NHSL1: variants seen among roughly 807,000 people sequenced by gnomAD.
NHSL1 encodes NHS like 1.
NHSL1 carries 48 observed loss-of-function variants against 95.0 expected under a neutral mutation model. The ratio of observed to expected loss-of-function variants is 0.51; its 90% CI spans 0.40 to 0.64. The LOEUF (loss-of-function observed/expected upper bound fraction) is 0.64, where lower values mean the gene tolerates loss of function less well. NHSL1 is among the 30% of genes least tolerant of loss of function. The pLI, the probability that NHSL1 is intolerant of heterozygous loss-of-function variation, is 0.00. For missense variants in NHSL1, 1,971 were observed against 2,077.7 expected (o/e 0.95, Z 1.00); for synonymous variants, 783 against 833.9 (o/e 0.94, Z 1.05).
At chr6:138,448,120 C>G (rs1253007137) in intron 3 of NHSL1, among the ~76,000 whole-genome samples, 1 of 152,186 alleles carries the variant, frequency 6.6e-6, no homozygotes, top group Non-Finnish European at 1.5e-5. Context: ...GATTAACATC[C>G]TCACTGAAGA....
At chr6:138,618,384 G>A (rs1784609665) in intron 1 of NHSL1, among the ~76,000 whole-genome samples, 1 of 152,180 alleles carries the variant, frequency 6.6e-6, no homozygotes, top group Admixed American at 6.5e-5. Context: ...TTGAATTCCC[G>A]AGAAGATTTC....
In NHSL1 at chr6:138,473,307, T is replaced by G. The variant is rs761866895; in HGVS notation, c.338A>C (p.Lys113Thr). The change falls in exon 3 of 8, where the codon AAG becomes ACG. Residue 113 changes from lysine to threonine, a missense_variant and splice_region_variant. Coordinates refer to ENST00000343505, the MANE Select transcript of NHSL1 (RefSeq NM_001144060.2). ...CCCGTGTTGAACTTTGAAGCTTACC[T>G]TTTGATCTGTTTCTTCATCTTCATC... ...YQDEDEETDQ[K>T]CSLSSSEEER... 7.1e-6 allele frequency: 11 copies of G among 1,540,690 alleles called. No individual in the cohort carries two copies. The highest frequency in any genetic ancestry group is 8.7e-6 in the Non-Finnish European group (10 of 1,143,096).
intron 1 of NHSL1, among the ~76,000 whole-genome samples, chr6:138,668,958 C>T (rs553136964): frequency 4.7e-4 from 71 of 152,160 alleles, no homozygotes; most frequent in African/African-American, 1.5e-3. Flanking sequence ...GTTGGATACA[C>T]GATGGAGGAA....
At chr6:138,537,068 C>A (rs1404117876) in intron 1 of NHSL1, among the ~76,000 whole-genome samples, 4 of 152,200 alleles carry the variant, frequency 2.6e-5, no homozygotes, top group African/African-American at 7.2e-5. Context: ...CCATAGATTT[C>A]TCTCTTCCTG....
At chr6:138,626,317 T>C (rs1234962369) in intron 1 of NHSL1, among the ~76,000 whole-genome samples, 1 of 152,218 alleles carries the variant, frequency 6.6e-6, no homozygotes, top group Non-Finnish European at 1.5e-5. Flanking sequence ...CAGGAGTCTC[T>C]TCCCTCGCAA....
intron 1 of NHSL1, among the ~76,000 whole-genome samples, chr6:138,613,770 AG>A (rs1206982910): frequency 1.3e-5 from 2 of 152,214 alleles, no homozygotes; most frequent in African/African-American, 2.4e-5. Flanking sequence ...GGGCAGTAAT[AG>A]GAGAGGGGAA....
chr6:138,539,824 C>T (rs905629952), intron 1 of NHSL1, among the ~76,000 whole-genome samples: 2 of 152,196 alleles, frequency 1.3e-5, no homozygotes, highest in Non-Finnish European at 1.5e-5. Context: ...CTGTTAACTG[C>T]TCTTTCAGTC....
intron 1 of NHSL1, among the ~76,000 whole-genome samples, chr6:138,551,963 G>A (rs1783020754): frequency 6.6e-6 from 1 of 152,084 alleles, no homozygotes. Context: ...CTGAATCCTG[G>A]GGTATTTTGT....
rs1775656730 is a variant in NHSL1, at chr6:138,431,444, G to A, written c.2901C>T (p.His967=). Residue 967 remains histidine, a synonymous_variant, in exon 6 of 8, where the codon CAC becomes CAT. Transcript: ENST00000343505. This position sits in a 1 kb window ranked among gnomAD's most constrained non-coding sequence, Gnocchi z 4.0. ...GCGGCGGAGGGGGGAACACAGGAGAGTGAGGCAGAGGAGAGCCCTGGGAGC... is the reference window on the plus strand; with the variant it reads ...GCGGCGGAGGGGGGAACACAGGAGAATGAGGCAGAGGAGAGCCCTGGGAGC... ...TDCSQGSPLP[H]SPVFPPPPPE... 14 of 1,550,892 alleles carry A rather than the reference G, an allele frequency of 9.0e-6. No individual in the cohort carries two copies. The highest frequency in any genetic ancestry group is 1.2e-5 in the South Asian group (1 of 84,032).
intron 3 of NHSL1, among the ~76,000 whole-genome samples, chr6:138,449,400 G>A (rs1041050425): frequency 1.3e-5 from 2 of 152,150 alleles, no homozygotes; most frequent in Non-Finnish European, 2.9e-5. Context: ...ATATGGGCCA[G>A]GCGTGGTGGC....
In NHSL1 at chr6:138,432,387, T is replaced by C; in HGVS notation, c.1958A>G (p.Asn653Ser). The change falls in exon 6 of 8, where the codon AAT becomes AGT. Residue 653 changes from asparagine (N) to serine (S), a missense_variant. Coordinates refer to ENST00000343505, the MANE Select transcript of NHSL1 (RefSeq NM_001144060.2). This position sits in a 1 kb window ranked among gnomAD's most constrained non-coding sequence, Gnocchi z 4.4. Reference protein sequence around the residue: ...RAQKNQGDRSNYQDKSLSRNI... With the variant: ...RAQKNQGDRSSYQDKSLSRNI... ...TCTTGATAGGGATTTATCCTGGTAATTGGACCGGTCCCCTTGGTTTTTCTG... is the reference window on the plus strand; with the variant it reads ...TCTTGATAGGGATTTATCCTGGTAACTGGACCGGTCCCCTTGGTTTTTCTG... 1.9e-6 allele frequency: 3 copies of C among 1,552,154 alleles called. 1 individual carries two copies. The highest frequency in any genetic ancestry group is 2.4e-5 in the South Asian group (2 of 84,060).
intron 1 of NHSL1, among the ~76,000 whole-genome samples, chr6:138,647,191 C>T (rs890209376): frequency 3.3e-5 from 5 of 151,980 alleles, no homozygotes; most frequent in Non-Finnish European, 4.4e-5. Context: ...GTCCTGGGGG[C>T]GAAAATACAA....
upstream of NHSL1, among the ~76,000 whole-genome samples, chr6:138,574,908 C>CT (rs1347461578): frequency 2.6e-5 from 4 of 151,524 alleles, no homozygotes; most frequent in East Asian, 1.9e-4. Context: ...GTGTGTTCTT[C>CT]TTTTTTTGGA....
chr6:138,437,844 T>C (rs926248321), intron 5 of NHSL1, among the ~76,000 whole-genome samples: 1 of 152,198 alleles, frequency 6.6e-6, no homozygotes, highest in Admixed American at 6.5e-5. Flanking sequence ...AGCAAGGAAC[T>C]AGAGTTAGAA....
At position 138,692,242 on chromosome 6, in the gene NHSL1, G is replaced by T. The variant is rs534136615; in HGVS notation, c.96+234C>A. The stretch of plus-strand genomic sequence containing the variant: ...GGACTGTCCAATTCCCACCCTCCGC[G>T]CCCACTCTCTCGAGGTAGCCAAGAC... On this transcript the variant is annotated intron_variant, in intron 1 of 3. Transcript: ENST00000491526. This position sits in a 1 kb window ranked among gnomAD's most constrained non-coding sequence, Gnocchi z 4.0. 35 of 453,774 alleles carry T rather than the reference G, an allele frequency of 7.7e-5. No individual in the cohort carries two copies. Among genetic ancestry groups the T allele is most frequent in the South Asian group, 5.3e-4 (34 of 64,296 alleles). The allele number at this position is 453,774 out of a possible 1,614,324, so 28.1% of individuals were successfully genotyped here. A position where few individuals can be genotyped will look rare whatever the true frequency, so the allele number is the denominator to read the frequency against.
At chr6:138,597,812 T>C (rs1784321099) in intron 1 of NHSL1, among the ~76,000 whole-genome samples, 1 of 152,144 alleles carries the variant, frequency 6.6e-6, no homozygotes, top group African/African-American at 2.4e-5. Flanking sequence ...CATGCATGAA[T>C]AGATGTATTA....
At chr6:138,493,883 C>T (rs1299826380) in intron 2 of NHSL1, among the ~76,000 whole-genome samples, 7 of 152,140 alleles carry the variant, frequency 4.6e-5, no homozygotes, top group East Asian at 3.8e-4. Context: ...CATTTACAAA[C>T]GAACCAAACG....
chr6:138,538,271 T>G (rs1010487542), intron 1 of NHSL1, among the ~76,000 whole-genome samples: 1 of 152,160 alleles, frequency 6.6e-6, no homozygotes, highest in Non-Finnish European at 1.5e-5. Flanking sequence ...GAAGGAGAGA[T>G]AGAGTACCAC....
At chr6:138,426,358 C>T (rs542234749) in intron 7 of NHSL1, among the ~76,000 whole-genome samples, 204 of 152,176 alleles carry the variant, frequency 1.3e-3, no homozygotes, top group Non-Finnish European at 1.7e-3. Flanking sequence ...AGATACCAAC[C>T]TCACAGGTTT....
Sources: gnomAD v4.1 joint callset for allele counts (sites outside exome capture counted in the v4.1 genomes callset) on GRCh38, gnomAD v4.1.1 for gene constraint, Gnocchi (gnomAD v3.1) non-coding constraint, MANE v1.5 for transcripts, NCBI Gene and HGNC (gene_info 2026-07-23, HGNC 2026-07-21) for gene names.